COL21A1: variants seen among roughly 807,000 people sequenced by gnomAD.
The protein encoded by COL21A1 is collagen type XXI alpha 1 chain, also known as collagen alpha-1(XXI) chain.
In COL21A1, 149 loss-of-function variants were observed where a neutral mutation model predicts 137.9. That is an observed-to-expected ratio of 1.08 (90% CI 0.95 to 1.24). The LOEUF is 1.24. Among genes scored for constraint, COL21A1 ranks in the 50% most tolerant of loss-of-function variants. The pLI, the probability that COL21A1 is intolerant of heterozygous loss-of-function variation, is 0.00. For missense variants in COL21A1, 1,167 were observed against 1,158.4 expected (o/e 1.01, Z -0.11); for synonymous variants, 456 against 391.5 (o/e 1.16, Z -1.95).
chr6:56,190,120 C>CA (rs1367376298), intron 1 of COL21A1, among the ~76,000 whole-genome samples: 2 of 152,044 alleles, frequency 1.3e-5, no homozygotes, highest in Non-Finnish European at 2.9e-5. Flanking sequence ...AATAGAGACA[C>CA]AAAAAACCCT....
intron 1 of COL21A1, among the ~76,000 whole-genome samples, chr6:56,370,528 T>C (rs1469392651): frequency 6.6e-6 from 1 of 152,232 alleles, no homozygotes; most frequent in Non-Finnish European, 1.5e-5. Context: ...GCTGGTGTTA[T>C]TCCTGCATTT....
In COL21A1 at chr6:56,221,451, G is replaced by A. The variant is rs910220519; in HGVS notation, c.-39+25936C>T. Among the ~76,000 whole-genome samples the A allele has an allele frequency of 1.7e-4, 26 of 152,118 alleles. 1 individual carries two copies. The highest frequency in any genetic ancestry group is 5.8e-4 in the African/African-American group (24 of 41,436). ...TAAAATATTGAAAAGGGTCGGGCAC[G>A]GTGGTTCATGCTTATAATCCCAGCA... On this transcript the variant is annotated intron_variant, in intron 1 of 29. Coordinates refer to ENST00000244728, the MANE Select transcript of COL21A1 (RefSeq NM_030820.4).
chr6:56,192,359 T>C (rs966988786), intron 1 of COL21A1, among the ~76,000 whole-genome samples: 7 of 152,092 alleles, frequency 4.6e-5, no homozygotes, highest in African/African-American at 1.7e-4. Flanking sequence ...TGGGATCTAA[T>C]TAAACTAAAG....
intron 10 of COL21A1, among the ~76,000 whole-genome samples, chr6:56,143,255 C>T (rs1774566813): frequency 7.0e-6 from 1 of 141,910 alleles, no homozygotes; most frequent in African/African-American, 2.7e-5. Flanking sequence ...GACTGGAGTG[C>T]AGTGGTGCAA....
intron 1 of COL21A1, among the ~76,000 whole-genome samples, chr6:56,374,954 G>A (rs1033893676): frequency 1.3e-5 from 2 of 149,930 alleles, no homozygotes; most frequent in African/African-American, 2.4e-5. Flanking sequence ...AGGAAACTTT[G>A]CTGAGGGAAA....
intron 3 of COL21A1, among the ~76,000 whole-genome samples, chr6:56,178,108 T>C (rs1016773903): frequency 6.6e-6 from 1 of 152,168 alleles, no homozygotes; most frequent in African/African-American, 2.4e-5. Context: ...AAAAAGTCTC[T>C]GAAGCAAATA....
At position 56,072,247 on chromosome 6, in the gene COL21A1, A is replaced by T. The variant is rs138001745; in HGVS notation, c.1966-1449T>A. On this transcript the variant is annotated intron_variant, in intron 20 of 29. Transcript: ENST00000244728. ...TTCATTCCATGTCTTTTCTATTGTG[A>T]ATAGTGCTGCAATGAACATACGTGT... 7.5e-3 allele frequency among the ~76,000 whole-genome samples: 1,140 copies of T among 151,586 alleles called. 16 individuals carry two copies. Among genetic ancestry groups the T allele is most frequent in the African/African-American group, 0.025 (1,034 of 41,424 alleles).
At chr6:56,080,368 G>A (rs1767643033) in intron 17 of COL21A1, among the ~76,000 whole-genome samples, 1 of 151,624 alleles carries the variant, frequency 6.6e-6, no homozygotes, top group African/African-American at 2.4e-5. Flanking sequence ...ATAATGTTGT[G>A]GTTAAAGAAT....
At chr6:56,135,313 G>A (rs1773912725) in intron 12 of COL21A1, among the ~76,000 whole-genome samples, 1 of 151,828 alleles carries the variant, frequency 6.6e-6, no homozygotes, top group Non-Finnish European at 1.5e-5. Context: ...AAAGATATGA[G>A]AAAACCGGCA....
chr6:56,111,161 A>AAC (rs1265786015), intron 16 of COL21A1, among the ~76,000 whole-genome samples: 1 of 151,910 alleles, frequency 6.6e-6, no homozygotes, highest in Non-Finnish European at 1.5e-5. Context: ...CAAAAAAAAA[A>AAC]AAAACTATAA....
intron 5 of COL21A1, among the ~76,000 whole-genome samples, chr6:56,168,977 G>T (rs1925185): frequency 0.64 from 96,885 of 151,678 alleles, 31,278 homozygotes; most frequent in East Asian, 0.86. Context: ...GCCCAACAAC[G>T]TATGCAACAA....
Position 56,057,428 on chromosome 6 carries a change from G to A in COL21A1, c.*229C>T, listed in dbSNP as rs903935037. The A allele has an allele frequency of 2.6e-5, 13 of 502,618 alleles. No homozygotes were observed. Among genetic ancestry groups the A allele is most frequent in the Non-Finnish European group, 4.5e-5 (13 of 289,536 alleles). The allele number at this position is 502,618 out of a possible 1,614,324, so 31.1% of individuals were successfully genotyped here. Reference sequence around the variant, plus strand: ...TGATTAACATAAATGGACTTTACAAGAAACCCTTGAGATTTAATTAATGCT... The same window carrying A: ...TGATTAACATAAATGGACTTTACAAAAAACCCTTGAGATTTAATTAATGCT... On this transcript the variant is annotated 3_prime_UTR_variant, in exon 30 of 30. Transcript: ENST00000244728.
In COL21A1 at chr6:56,195,844, A is replaced by G. The variant is rs1430852999; in HGVS notation, c.-38-13188T>C. 2.6e-5 allele frequency among the ~76,000 whole-genome samples: 4 copies of G among 152,238 alleles called. No homozygotes were observed. The East Asian group carries it at 7.7e-4, about 29-fold the overall frequency. On this transcript the variant is annotated intron_variant, in intron 1 of 29. Coordinates refer to ENST00000244728, the MANE Select transcript of COL21A1 (RefSeq NM_030820.4). Reference sequence around the variant, plus strand: ...AATTCTCCCCAAACTCTTCCAAAAAATTAAAGAAAAGAAAATACTTCAAAC... The same window carrying G: ...AATTCTCCCCAAACTCTTCCAAAAAGTTAAAGAAAAGAAAATACTTCAAAC...
chr6:56,286,015 G>C (rs900620475), intron 1 of COL21A1, among the ~76,000 whole-genome samples: 3 of 151,864 alleles, frequency 2.0e-5, no homozygotes, highest in African/African-American at 7.3e-5. Context: ...GATTTCATTA[G>C]CTCAATCTGT....
At chr6:56,239,833 C>T (rs973832342) in intron 1 of COL21A1, among the ~76,000 whole-genome samples, 7 of 152,106 alleles carry the variant, frequency 4.6e-5, no homozygotes, top group African/African-American at 1.7e-4. Flanking sequence ...GGTGATTAGG[C>T]CATAAGGGCT....
chr6:56,393,077 A>C (rs538500300), intron 1 of COL21A1, among the ~76,000 whole-genome samples: 19 of 152,180 alleles, frequency 1.2e-4, no homozygotes, highest in African/African-American at 4.6e-4. Flanking sequence ...AACTGAAGGA[A>C]TCACATTATC....
intron 1 of COL21A1, among the ~76,000 whole-genome samples, chr6:56,239,206 C>T (rs1472005214): frequency 6.6e-6 from 1 of 152,088 alleles, no homozygotes; most frequent in East Asian, 1.9e-4. Context: ...CAGATATTAC[C>T]ATCTCTAATT....
intron 14 of COL21A1, among the ~76,000 whole-genome samples, chr6:56,124,787 G>A (rs978893747): frequency 4.0e-5 from 6 of 149,526 alleles, no homozygotes; most frequent in East Asian, 2.0e-4. Flanking sequence ...GACTACAGGC[G>A]CCCACTACCA....
intron 1 of COL21A1, among the ~76,000 whole-genome samples, chr6:56,323,159 C>T (rs1764916175): frequency 6.6e-6 from 1 of 151,990 alleles, no homozygotes; most frequent in African/African-American, 2.4e-5. Context: ...TTTGAATTTA[C>T]AAGAATAAAA....
Sources: allele counts gnomAD v4.1 joint callset (sites outside exome capture counted in the v4.1 genomes callset), GRCh38; gene constraint gnomAD v4.1.1; transcripts MANE v1.5; gene names NCBI Gene and HGNC (gene_info 2026-07-23, HGNC 2026-07-21).